Variants in CDH12 observed in about 807,000 individuals in gnomAD.
CDH12 encodes cadherin 12, also known as cadherin-12.
In CDH12, 41 loss-of-function variants were observed where a neutral mutation model predicts 74.1. That is an observed-to-expected ratio of 0.55 (90% CI 0.43 to 0.72). The LOEUF is 0.72. CDH12 is among the 30% of genes least tolerant of loss of function. CDH12 has a pLI of 0.00. For synonymous variants in CDH12, 399 were observed against 355.0 expected, an observed-to-expected ratio of 1.12 and a Z score of -1.39; for missense variants, 945 against 977.2, an observed-to-expected ratio of 0.97 and a Z score of 0.44.
chr5:21,785,121 G>A (rs1218484440), intron 10 of CDH12, among the ~76,000 whole-genome samples: 1 of 152,216 alleles, frequency 6.6e-6, no homozygotes, highest in South Asian at 2.1e-4. Context: ...ACAGTGATCA[G>A]TGATACTTGA....
chr5:22,528,572 G>T (rs1314458566), intron 1 of CDH12, among the ~76,000 whole-genome samples: 2 of 152,142 alleles, frequency 1.3e-5, no homozygotes, highest in Admixed American at 6.6e-5. Flanking sequence ...TCCTTCAGGG[G>T]ACACGTAGAA....
intron 3 of CDH12, among the ~76,000 whole-genome samples, chr5:22,375,236 C>G (rs2968277): frequency 0.84 from 127,688 of 152,136 alleles, 53,644 homozygotes; most frequent in African/African-American, 0.85. Flanking sequence ...TTGGGAATTA[C>G]CCATAAGCAG....
intron 6 of CDH12, among the ~76,000 whole-genome samples, chr5:21,944,233 C>T (rs190669580): frequency 1.4e-3 from 210 of 152,182 alleles, no homozygotes; most frequent in Middle Eastern, 0.014. Flanking sequence ...TTTAGTGCTC[C>T]TATGTATTTT....
intron 5 of CDH12, among the ~76,000 whole-genome samples, chr5:22,063,504 C>A (rs1338235877): frequency 6.6e-6 from 1 of 152,010 alleles, no homozygotes; most frequent in African/African-American, 2.4e-5. Flanking sequence ...TGGTTCTACC[C>A]CTTTAATATC....
At chr5:21,807,169 A>C (rs1306607003) in intron 9 of CDH12, among the ~76,000 whole-genome samples, 3 of 152,138 alleles carry the variant, frequency 2.0e-5, no homozygotes, top group African/African-American at 7.2e-5. Context: ...CATATGTCTC[A>C]ACCAGTCCTA....
rs140375550 is a variant in CDH12 at position 22,504,632 on chromosome 5, C to G, written c.-428+638G>C. Among the ~76,000 whole-genome samples the G allele has an allele frequency of 6.6e-4, 101 of 152,100 alleles. 2 individuals carry two copies. In the East Asian group the frequency reaches 0.018, roughly 28 times the overall value. ...TACCAAGCGGGGAGTGTCAAAGCAGCACTTTAATTACTATGTCTGTGAAGG... is the reference window on the plus strand; with the variant it reads ...TACCAAGCGGGGAGTGTCAAAGCAGGACTTTAATTACTATGTCTGTGAAGG... On this transcript the variant is annotated intron_variant, in intron 2 of 14. Transcript: ENST00000382254.
At chr5:22,536,223 T>TGTAC (rs1737835493) in intron 1 of CDH12, among the ~76,000 whole-genome samples, 1 of 152,228 alleles carries the variant, frequency 6.6e-6, no homozygotes, top group Non-Finnish European at 1.5e-5. Context: ...TCACAACGTA[T>TGTAC]GTACTGACCT....
intron 1 of CDH12, among the ~76,000 whole-genome samples, chr5:22,635,519 T>A (rs766280249): frequency 2.2e-4 from 34 of 152,206 alleles, no homozygotes; most frequent in Admixed American, 1.7e-3. Context: ...CTTTTGTGTT[T>A]CAAAGGACAT....
chr5:22,796,742 G>T (rs1486893303), intron 1 of CDH12, among the ~76,000 whole-genome samples: 1 of 102,454 alleles, frequency 9.8e-6, no homozygotes, highest in Admixed American at 1.0e-4. Flanking sequence ...GGATGGTCTC[G>T]ATCTCTTGAC....
chr5:22,625,241 C>T (rs556793227), intron 1 of CDH12, among the ~76,000 whole-genome samples: 1 of 152,110 alleles, frequency 6.6e-6, no homozygotes, highest in East Asian at 1.9e-4. Context: ...ACCAACATGG[C>T]ACATGTATAC....
chr5:22,263,067 G>A (rs770916365), intron 3 of CDH12, among the ~76,000 whole-genome samples: 1 of 151,914 alleles, frequency 6.6e-6, no homozygotes, highest in South Asian at 2.1e-4. Flanking sequence ...CATTTATGCA[G>A]CCAAAAAATA....
At chr5:22,001,001 A>G (rs527936306) in intron 5 of CDH12, among the ~76,000 whole-genome samples, 112 of 152,262 alleles carry the variant, frequency 7.4e-4, no homozygotes, top group African/African-American at 2.5e-3. Flanking sequence ...AAATTAGAAA[A>G]TAAAGGCCAA....
intron 1 of CDH12, among the ~76,000 whole-genome samples, chr5:22,763,240 A>G (rs1338871240): frequency 6.6e-6 from 1 of 151,936 alleles, no homozygotes; most frequent in Non-Finnish European, 1.5e-5. Flanking sequence ...ACAAAATAAT[A>G]AAAATCTGTC....
chr5:22,662,561 A>G (rs1172257966), intron 1 of CDH12, among the ~76,000 whole-genome samples: 1 of 152,246 alleles, frequency 6.6e-6, no homozygotes, highest in Non-Finnish European at 1.5e-5. Context: ...CCAAACTGCC[A>G]TAAACAGGAA....
chr5:22,585,002 T>G (rs1236349375), intron 1 of CDH12, among the ~76,000 whole-genome samples: 1 of 152,232 alleles, frequency 6.6e-6, no homozygotes, highest in Non-Finnish European at 1.5e-5. Flanking sequence ...AAGCTAGCTT[T>G]CAGTTCAGTT....
At chr5:22,394,564 G>T (rs535196312) in intron 3 of CDH12, among the ~76,000 whole-genome samples, 74 of 152,262 alleles carry the variant, frequency 4.9e-4, no homozygotes, top group Non-Finnish European at 8.2e-4. Flanking sequence ...CAGGCCAAGA[G>T]AAAGGAGCTG....
At chr5:22,028,697 T>A (rs1242707542) in intron 5 of CDH12, among the ~76,000 whole-genome samples, 3 of 152,146 alleles carry the variant, frequency 2.0e-5, no homozygotes, top group African/African-American at 7.2e-5. Flanking sequence ...CAAGGTAATT[T>A]ATAGATTCAA....
At chr5:22,605,777 C>A (rs924027968) in intron 1 of CDH12, among the ~76,000 whole-genome samples, 1 of 152,250 alleles carries the variant, frequency 6.6e-6, no homozygotes, top group Admixed American at 6.5e-5. Flanking sequence ...CTTTCCTGCA[C>A]AGCTCTAGCA....
chr5:22,405,529 A>G (rs1305573056), intron 2 of CDH12, among the ~76,000 whole-genome samples, 178 bp from the exon 3 acceptor site: 1 of 152,202 alleles, frequency 6.6e-6, no homozygotes. Context: ...CTATCAGGCC[A>G]AAGATAGTAA....
Sources: allele counts gnomAD v4.1 joint callset (sites outside exome capture counted in the v4.1 genomes callset), GRCh38; gene constraint gnomAD v4.1.1; transcripts MANE v1.5; gene names NCBI Gene and HGNC (gene_info 2026-07-23, HGNC 2026-07-21).